The following CD247 variants were observed in gnomAD, a reference collection of about 807,000 sequenced individuals.
CD247 encodes the protein T-cell surface glycoprotein CD3 zeta chain.
Under a neutral mutation model 30.0 loss-of-function variants are expected in CD247, and 13 were observed. The observed-to-expected ratio is 0.43, with a 90% CI of 0.28 to 0.69. The LOEUF (loss-of-function observed/expected upper bound fraction) is 0.69, where lower values mean the gene tolerates loss of function less well. Ranked by LOEUF, CD247 falls within the 30% of genes least tolerant of loss-of-function variation. The pLI, the probability that CD247 is intolerant of heterozygous loss-of-function variation, is 0.16. For missense variants in CD247, 193 were observed against 212.6 expected, an observed-to-expected ratio of 0.91 and a Z score of 0.57; for synonymous variants, 72 against 80.0, an observed-to-expected ratio of 0.90 and a Z score of 0.53.
intron 1 of CD247, among the ~76,000 whole-genome samples, chr1:167,496,850 A>G (rs1263946505): frequency 6.6e-6 from 1 of 152,194 alleles, no homozygotes; most frequent in Non-Finnish European, 1.5e-5. Context: ...CACATCACCC[A>G]GGAGATCTCC....
intron 1 of CD247, among the ~76,000 whole-genome samples, chr1:167,446,851 C>A (rs866570582): frequency 6.6e-6 from 1 of 152,130 alleles, no homozygotes; most frequent in East Asian, 1.9e-4. Flanking sequence ...AAAAATTAGC[C>A]GGGCGTGGTG....
intron 1 of CD247, among the ~76,000 whole-genome samples, chr1:167,471,552 C>T (rs1227183063): frequency 6.6e-6 from 1 of 151,916 alleles, no homozygotes; most frequent in East Asian, 1.9e-4. Flanking sequence ...TTTTCTTCAC[C>T]CTGTGTATTT....
intron 1 of CD247, among the ~76,000 whole-genome samples, chr1:167,485,982 G>C (rs999433327): frequency 6.6e-6 from 1 of 152,014 alleles, no homozygotes; most frequent in Admixed American, 6.6e-5. Flanking sequence ...GAGTCATTGT[G>C]GGCCGCCTTC....
At chr1:167,461,788 C>T (rs975916805) in intron 1 of CD247, among the ~76,000 whole-genome samples, 2 of 151,956 alleles carry the variant, frequency 1.3e-5, no homozygotes, top group African/African-American at 4.8e-5. Flanking sequence ...GCAGAGGTTG[C>T]AGTGAGCCGA....
intron 1 of CD247, among the ~76,000 whole-genome samples, chr1:167,516,276 C>A (rs1373031435): frequency 6.6e-6 from 1 of 152,236 alleles, no homozygotes; most frequent in Non-Finnish European, 1.5e-5. Context: ...TGTGCCCATG[C>A]CACTAGGCAC....
intron 1 of CD247, among the ~76,000 whole-genome samples, chr1:167,500,738 T>C (rs955576266): frequency 1.3e-5 from 2 of 152,240 alleles, no homozygotes; most frequent in Non-Finnish European, 2.9e-5. Flanking sequence ...CAGCAAATGC[T>C]TTTATCGCTC....
chr1:167,454,638 A>G (rs945565137), intron 1 of CD247, among the ~76,000 whole-genome samples: 2 of 143,202 alleles, frequency 1.4e-5, no homozygotes, highest in Non-Finnish European at 1.5e-5. Flanking sequence ...CAGAAAACCA[A>G]CTACTGCTGG....
Position 167,489,927 on chromosome 1 carries a change from CGA to C in CD247, c.58+28479_58+28480del, listed in dbSNP as rs1201261830. 2.0e-5 allele frequency among the ~76,000 whole-genome samples: 3 copies of C among 152,176 alleles called. No homozygotes were observed. The East Asian group carries it at 5.8e-4, about 29-fold the overall frequency. On this transcript the variant is annotated intron_variant, in intron 1 of 7. Transcript: ENST00000362089. ...TTCGGCCTCTGACCTGTGCCCGCGC[CGA>C]GGTTTCTGGGCAGCCAGGCCCAGGG...
chr1:167,473,647 G>A (rs777042759), intron 1 of CD247, among the ~76,000 whole-genome samples: 6 of 152,160 alleles, frequency 3.9e-5, no homozygotes, highest in Non-Finnish European at 5.9e-5. Flanking sequence ...GCAAGTCCAC[G>A]TTCTCTCTTT....
Position 167,518,494 on chromosome 1 carries a change from G to T in CD247, c.-29C>A, listed in dbSNP as rs541039343. 2 of 1,608,728 alleles carry T rather than the reference G, an allele frequency of 1.2e-6. No individual in the cohort carries two copies. The highest frequency in any genetic ancestry group is 2.7e-5 in the African/African-American group (2 of 74,984). On this transcript the variant is annotated 5_prime_UTR_variant, in exon 1 of 8. Coordinates refer to ENST00000362089, the MANE Select transcript of CD247 (RefSeq NM_198053.3). ...GTCCTTTCCCTCAGAAAGAGGCTGG[G>T]AGGCAGAGGCTGAGGCAGCGGTGGC...
chr1:167,431,599 C>A lies in CD247; in HGVS notation c.*82G>T. 8.7e-7 allele frequency: 1 copy of A among 1,144,230 alleles called. No homozygotes were observed. The highest frequency in any genetic ancestry group is 1.3e-6 in the Non-Finnish European group (1 of 750,770). The allele number at this position is 1,144,230 out of a possible 1,614,324, so 70.9% of individuals were successfully genotyped here. On this transcript the variant is annotated 3_prime_UTR_variant, in exon 8 of 8. Transcript: ENST00000362089. ...TACTTCAGTGGCTGAGAAGAGTGAA[C>A]CGGGTTGTAAATGCTTCATCCTGTG...
At chr1:167,517,699 G>T (rs1391647607) in intron 1 of CD247, among the ~76,000 whole-genome samples, 2 of 152,328 alleles carry the variant, frequency 1.3e-5, no homozygotes, top group Admixed American at 6.5e-5. Context: ...CGCCTAAGGG[G>T]CAGGCTGGGG....
At chr1:167,506,245 C>CCTTTT (rs1219420692) in intron 1 of CD247, among the ~76,000 whole-genome samples, 1,484 of 26,116 alleles carry the variant, frequency 0.057, 28 homozygotes, top group Non-Finnish European at 0.097. Flanking sequence ...CTTTTCTTTT[C>CCTTTT]CTTTTCTTTT....
intron 1 of CD247, among the ~76,000 whole-genome samples, chr1:167,475,228 T>C (rs1653696811): frequency 6.6e-6 from 1 of 152,102 alleles, no homozygotes; most frequent in Non-Finnish European, 1.5e-5. Context: ...AAGAGTGGAA[T>C]AGTAGAATGA....
At chr1:167,492,953 G>A (rs1401326404) in intron 1 of CD247, among the ~76,000 whole-genome samples, 5 of 150,272 alleles carry the variant, frequency 3.3e-5, no homozygotes, top group Non-Finnish European at 5.9e-5. Flanking sequence ...CTACTTTTCT[G>A]TTGAAGTTAT....
chr1:167,513,937 C>A (rs545555372), intron 1 of CD247, among the ~76,000 whole-genome samples: 1 of 152,292 alleles, frequency 6.6e-6, no homozygotes, highest in African/African-American at 2.4e-5. Context: ...CCTGTCCCCT[C>A]CACTGGTTTA....
chr1:167,446,904 A>T (rs969576503), intron 1 of CD247, among the ~76,000 whole-genome samples: 1 of 152,198 alleles, frequency 6.6e-6, no homozygotes, highest in African/African-American at 2.4e-5. Flanking sequence ...CTGAGGCAGG[A>T]GAATGGTGTG....
At chr1:167,471,662 G>A (rs1165643343) in intron 1 of CD247, among the ~76,000 whole-genome samples, 4 of 151,980 alleles carry the variant, frequency 2.6e-5, no homozygotes, top group African/African-American at 9.7e-5. Flanking sequence ...GAGTCCAGTG[G>A]TATGTTCCTA....
At chr1:167,434,211 C>A in intron 5 of CD247, 135 bp from the exon 6 acceptor site, 1 of 801,372 alleles carries the variant, frequency 1.2e-6, no homozygotes. Context: ...ATCAAGGCTC[C>A]AAACCTTATG....
Sources: allele counts gnomAD v4.1 joint callset (sites outside exome capture counted in the v4.1 genomes callset), GRCh38; gene constraint gnomAD v4.1.1; transcripts MANE v1.5; gene names NCBI Gene and HGNC (gene_info 2026-07-23, HGNC 2026-07-21).